CMTR1: variants seen among roughly 807,000 people sequenced by gnomAD.
CMTR1 encodes cap-specific mRNA (nucleoside-2'-O-)-methyltransferase 1.
A neutral mutation model predicts 107.0 loss-of-function variants in CMTR1; 39 were observed. That is an observed-to-expected ratio of 0.36 (90% confidence interval 0.28 to 0.48). The LOEUF (loss-of-function observed/expected upper bound fraction) is 0.48. Ranked by LOEUF, CMTR1 falls within the 20% of genes least tolerant of loss-of-function variation. CMTR1 has a pLI of 0.99. For synonymous variants in CMTR1, 366 were observed against 379.5 expected (o/e 0.96, Z 0.41); for missense variants, 672 against 1,064.9 (o/e 0.63, Z 5.14).
chr6:37,468,715 CT>C (rs1761559521), intron 13 of CMTR1, among the ~76,000 whole-genome samples: 3 of 151,152 alleles, frequency 2.0e-5, no homozygotes, highest in Admixed American at 2.0e-4. Flanking sequence ...GAAACCCCGT[CT>C]CTACAAAAGT....
chr6:37,476,667 TGAGA>T (rs1004870505), intron 20 of CMTR1, among the ~76,000 whole-genome samples: 1 of 152,050 alleles, frequency 6.6e-6, no homozygotes, highest in Admixed American at 6.5e-5. Flanking sequence ...TCCAGGACCC[TGAGA>T]GAGAAAGGAG....
Position 37,480,924 on chromosome 6 carries a change from C to A in CMTR1, c.*779C>A. 8.2e-7 allele frequency: 1 copy of A among 1,221,036 alleles called. No homozygotes were observed. The highest frequency in any genetic ancestry group is 1.5e-5 in the South Asian group (1 of 67,056). The allele number at this position is 1,221,036 out of a possible 1,614,324, so 75.6% of individuals were successfully genotyped here. A position where few individuals can be genotyped will look rare whatever the true frequency, so the allele number is the denominator to read the frequency against. On this transcript the variant is annotated 3_prime_UTR_variant, in exon 24 of 24. Coordinates refer to ENST00000373451, the MANE Select transcript of CMTR1 (RefSeq NM_015050.3). ...GGCAGCGCTAGATGGCAGGAAGCAG[C>A]CTTGAAGACCCGTCTTTCCCCCACA... is the stretch of plus-strand genomic sequence containing the variant.
At position 37,446,326 on chromosome 6, in the gene CMTR1, T is replaced by C; in HGVS notation, c.321T>C (p.Gly107=). The C allele has an allele frequency of 6.2e-7, 1 of 1,614,134 alleles. No homozygotes were observed. The highest frequency in any genetic ancestry group is 1.3e-5 in the African/African-American group (1 of 75,016). ...KMGFREGEGL[G]KYSQGRKDIV... ...GCTTCAGGGAAGGTGAAGGATTGGG[T>C]AAATACAGCCAGGGTCGGAAGGACA... is the stretch of plus-strand genomic sequence containing the variant. The change falls in exon 4 of 24, where the codon GGT becomes GGC. Residue 107 remains glycine (G), a synonymous_variant. Coordinates refer to ENST00000373451, the MANE Select transcript of CMTR1 (RefSeq NM_015050.3).
At chr6:37,467,490 G>A (rs980607899) in intron 13 of CMTR1, among the ~76,000 whole-genome samples, 2 of 152,116 alleles carry the variant, frequency 1.3e-5, no homozygotes, top group African/African-American at 2.4e-5. Flanking sequence ...TTGGTTCATA[G>A]TGTTTTTCAA....
At chr6:37,441,477 C>T (rs1008673193) in intron 2 of CMTR1, among the ~76,000 whole-genome samples, 15 of 151,110 alleles carry the variant, frequency 9.9e-5, no homozygotes, top group Non-Finnish European at 1.6e-4. Context: ...TGCAATGGCT[C>T]GATCTCGGCT....
At chr6:37,464,330 G>A (rs1379341689) in intron 13 of CMTR1, among the ~76,000 whole-genome samples, 2 of 152,024 alleles carry the variant, frequency 1.3e-5, no homozygotes, top group Non-Finnish European at 2.9e-5. Flanking sequence ...AGCCAGGCGT[G>A]GTGGCGGGCG....
At chr6:37,449,347 CA>C (rs1416023225) in intron 4 of CMTR1, among the ~76,000 whole-genome samples, 3 of 148,094 alleles carry the variant, frequency 2.0e-5, no homozygotes, top group Non-Finnish European at 4.5e-5. Context: ...TTTGTTCTGT[CA>C]CCCAGGCTGG....
upstream of CMTR1, among the ~76,000 whole-genome samples, chr6:37,432,915 C>G (rs1771414344): frequency 2.6e-5 from 4 of 152,220 alleles, no homozygotes; most frequent in South Asian, 8.3e-4. Flanking sequence ...TACCATCTAC[C>G]TCTCTGAACT....
upstream of CMTR1, among the ~76,000 whole-genome samples, chr6:37,431,352 AAAG>A (rs1259572829): frequency 2.6e-5 from 4 of 152,202 alleles, no homozygotes; most frequent in African/African-American, 9.7e-5. Flanking sequence ...AGTGAGGTGG[AAAG>A]AAGGACACTA....
intron 9 of CMTR1, among the ~76,000 whole-genome samples, chr6:37,459,161 C>T (rs908579634): frequency 3.3e-5 from 5 of 152,270 alleles, no homozygotes; most frequent in African/African-American, 1.2e-4. Flanking sequence ...ATCTCTCGCC[C>T]TCTGTGCCAG....
chr6:37,438,355 G>T (rs1351322469), intron 2 of CMTR1, among the ~76,000 whole-genome samples: 2 of 151,946 alleles, frequency 1.3e-5, no homozygotes, highest in African/African-American at 2.4e-5. Context: ...ACTCCAGCCT[G>T]GGCATCAGAA....
At chr6:37,471,985 C>G in intron 15 of CMTR1, 81 bp downstream of exon 15, 1 of 1,286,206 alleles carries the variant, frequency 7.8e-7, no homozygotes, top group South Asian at 1.3e-5. Context: ...ATCCTGTCAC[C>G]TTAGGGTGTC....
chr6:37,481,300 C>G lies in CMTR1; in HGVS notation c.*1155C>G. 3 of 1,219,760 alleles carry G rather than the reference C, an allele frequency of 2.5e-6. No individual in the cohort carries two copies. The highest frequency in any genetic ancestry group is 3.1e-6 in the Non-Finnish European group (3 of 955,972). The allele number at this position is 1,219,760 out of a possible 1,614,324, so 75.6% of individuals were successfully genotyped here. A position where few individuals can be genotyped will look rare whatever the true frequency, so the allele number is the denominator to read the frequency against. On this transcript the variant is annotated 3_prime_UTR_variant, in exon 24 of 24. Coordinates refer to ENST00000373451, the MANE Select transcript of CMTR1 (RefSeq NM_015050.3). ...CATGCAGGCTCCCTAGGGCCCCATC[C>G]CAGTGCCAGGCTGGTTTCCATGGAG...
At chr6:37,443,509 C>G (rs1771719091) in intron 2 of CMTR1, among the ~76,000 whole-genome samples, 1 of 152,090 alleles carries the variant, frequency 6.6e-6, no homozygotes, top group African/African-American at 2.4e-5. Context: ...CACGCACTAC[C>G]ACACCCAGCT....
chr6:37,434,967 T>C (rs971650258), intron 1 of CMTR1, among the ~76,000 whole-genome samples: 1 of 152,190 alleles, frequency 6.6e-6, no homozygotes, highest in African/African-American at 2.4e-5. Flanking sequence ...GTTGTTTTCG[T>C]AACTGAGTTC....
At chr6:37,453,195 T>C (rs1562120822) in intron 7 of CMTR1, 45 bp from the exon 8 acceptor site, 3 of 1,613,070 alleles carry the variant, frequency 1.9e-6, no homozygotes, top group Middle Eastern at 1.6e-4. Flanking sequence ...ACCTTTTCAA[T>C]TGAGCCTAGT....
At chr6:37,437,246 G>A (rs1394991645) in intron 2 of CMTR1, among the ~76,000 whole-genome samples, 1 of 150,746 alleles carries the variant, frequency 6.6e-6, no homozygotes, top group East Asian at 1.9e-4. Flanking sequence ...TCATCAGCTG[G>A]CCAGGCGCGG....
intron 2 of CMTR1, among the ~76,000 whole-genome samples, chr6:37,438,781 C>A (rs1771595963): frequency 6.6e-6 from 1 of 152,160 alleles, no homozygotes; most frequent in African/African-American, 2.4e-5. Context: ...TTTATATCAC[C>A]TATGTTCTGT....
chr6:37,467,789 G>A (rs889701589), intron 13 of CMTR1, among the ~76,000 whole-genome samples: 1 of 152,108 alleles, frequency 6.6e-6, no homozygotes, highest in Admixed American at 6.5e-5. Context: ...GCTTTCTTTA[G>A]CTTAGTGTTT....
Sources: gnomAD v4.1 joint callset for allele counts (sites outside exome capture counted in the v4.1 genomes callset) on GRCh38, gnomAD v4.1.1 for gene constraint, MANE v1.5 for transcripts, NCBI Gene and HGNC (gene_info 2026-07-23, HGNC 2026-07-21) for gene names.